The following ERP44 variants were observed in gnomAD, a reference collection of about 807,000 sequenced individuals.
ERP44 encodes the protein endoplasmic reticulum protein 44.
ERP44 carries 25 observed loss-of-function variants against 53.4 expected under a neutral mutation model. That is an observed-to-expected ratio of 0.47 (90% CI 0.34 to 0.65). The LOEUF (loss-of-function observed/expected upper bound fraction) is 0.65, where lower values mean the gene tolerates loss of function less well. ERP44 is among the 30% of genes least tolerant of loss of function. The pLI is 0.01. For missense variants in ERP44, 338 were observed against 493.2 expected, an observed-to-expected ratio of 0.69 and a Z score of 2.98; for synonymous variants, 145 against 161.2, an observed-to-expected ratio of 0.90 and a Z score of 0.76.
chr9:100,069,948 G>A (rs762792201), intron 1 of ERP44, among the ~76,000 whole-genome samples: 2 of 152,144 alleles, frequency 1.3e-5, no homozygotes, highest in African/African-American at 4.8e-5. Context: ...AACAGACAAT[G>A]TATTTTTCTC....
At chr9:100,046,106 G>A (rs1177490839) in intron 4 of ERP44, among the ~76,000 whole-genome samples, 1 of 151,546 alleles carries the variant, frequency 6.6e-6, no homozygotes, top group Non-Finnish European at 1.5e-5. Flanking sequence ...ATTTATAACA[G>A]CACCCCAAAA....
chr9:100,029,120 T>G (rs1172762567), intron 4 of ERP44, among the ~76,000 whole-genome samples: 1 of 152,064 alleles, frequency 6.6e-6, no homozygotes, highest in Non-Finnish European at 1.5e-5. Context: ...CATTGGTCTG[T>G]GCAAAGATTT....
intron 6 of ERP44, 113 bp downstream of exon 6, chr9:100,020,503 A>G (rs1830576244): frequency 4.8e-6 from 3 of 624,472 alleles, no homozygotes; most frequent in Admixed American, 5.8e-5. Context: ...AGTGATTTTA[A>G]AAGGATTGAG....
chr9:100,033,124 A>C (rs560228768), intron 4 of ERP44, among the ~76,000 whole-genome samples: 2 of 152,242 alleles, frequency 1.3e-5, no homozygotes, highest in Non-Finnish European at 2.9e-5. Flanking sequence ...ACTATTTGTA[A>C]GTATTCTTAA....
intron 10 of ERP44, among the ~76,000 whole-genome samples, chr9:99,992,791 CT>C (rs1265852761): frequency 6.6e-6 from 1 of 152,158 alleles, no homozygotes; most frequent in Non-Finnish European, 1.5e-5. Context: ...CCAAAATCTC[CT>C]TAAGCTGATA....
At chr9:100,087,322 T>C (rs1010886348) in intron 1 of ERP44, among the ~76,000 whole-genome samples, 1 of 152,156 alleles carries the variant, frequency 6.6e-6, no homozygotes, top group Non-Finnish European at 1.5e-5. Flanking sequence ...ATAATGACAA[T>C]GTAATTATTA....
At chr9:100,098,725 G>A in intron 1 of ERP44, 59 bp downstream of exon 1, 1 of 1,418,482 alleles carries the variant, frequency 7.0e-7, no homozygotes, top group Non-Finnish European at 1.0e-6. Context: ...TGTTCCCCCT[G>A]GGCGAGGGCC....
intron 4 of ERP44, among the ~76,000 whole-genome samples, chr9:100,039,747 G>T (rs912117577): frequency 3.6e-4 from 55 of 151,864 alleles, no homozygotes; most frequent in African/African-American, 1.3e-3. Flanking sequence ...TGGTTTTTTG[G>T]TAAGTTTTAC....
chr9:100,038,339 A>G (rs1257705428), intron 4 of ERP44, among the ~76,000 whole-genome samples: 1 of 152,150 alleles, frequency 6.6e-6, no homozygotes, highest in African/African-American at 2.4e-5. Context: ...AGAAACAACA[A>G]AAAGTTAAAA....
At chr9:100,035,365 T>C (rs1825839536) in intron 4 of ERP44, among the ~76,000 whole-genome samples, 1 of 152,108 alleles carries the variant, frequency 6.6e-6, no homozygotes, top group South Asian at 2.1e-4. Context: ...AAGGAACTTA[T>C]TAAATCAATA....
intron 1 of ERP44, among the ~76,000 whole-genome samples, chr9:100,092,855 T>G (rs1245323233): frequency 6.6e-6 from 1 of 152,198 alleles, no homozygotes; most frequent in East Asian, 1.9e-4. Context: ...TCACTACTGA[T>G]GAGAGTGTGA....
At chr9:99,994,697 ACTCT>A (rs765155798) in intron 10 of ERP44, among the ~76,000 whole-genome samples, 1 of 151,602 alleles carries the variant, frequency 6.6e-6, no homozygotes, top group Admixed American at 6.6e-5. Context: ...CTATTTCTAG[ACTCT>A]CTCTCTTCCA....
intron 4 of ERP44, among the ~76,000 whole-genome samples, chr9:100,039,318 T>C (rs749369968): frequency 5.9e-5 from 9 of 152,082 alleles, no homozygotes; most frequent in East Asian, 1.9e-4. Flanking sequence ...TTCAAAAAAA[T>C]TGAAATTATC....
At chr9:100,039,749 A>G (rs1825882872) in intron 4 of ERP44, among the ~76,000 whole-genome samples, 1 of 152,074 alleles carries the variant, frequency 6.6e-6, no homozygotes, top group African/African-American at 2.4e-5. Flanking sequence ...GTTTTTTGGT[A>G]AGTTTTACAA....
chr9:100,029,855 C>T (rs1346891798), intron 4 of ERP44, among the ~76,000 whole-genome samples: 8 of 152,080 alleles, frequency 5.3e-5, no homozygotes, highest in South Asian at 2.1e-4. Flanking sequence ...TTTGGGAGAC[C>T]GAGGCGGGCA....
chr9:100,029,250 C>G (rs1178763696), intron 4 of ERP44, among the ~76,000 whole-genome samples: 1 of 151,912 alleles, frequency 6.6e-6, no homozygotes, highest in African/African-American at 2.4e-5. Context: ...GAAGAGGCAA[C>G]CTGAGAATTA....
intron 4 of ERP44, among the ~76,000 whole-genome samples, chr9:100,047,537 C>T (rs1469174804): frequency 3.3e-5 from 5 of 152,104 alleles, no homozygotes; most frequent in Admixed American, 3.3e-4. Context: ...TGGGCCCTTA[C>T]CTTGTTCCAT....
rs377356861 is a variant in ERP44, at chr9:100,082,828, T to C, written c.57+15956A>G. On this transcript the variant is annotated intron_variant, in intron 1 of 11. Coordinates refer to ENST00000262455, the MANE Select transcript of ERP44 (RefSeq NM_015051.3). Reference sequence around the variant, plus strand: ...TATATTGTTCAAGGGGTTAACTGTATATTAAAAAGCATGCTCTAAATCCTC... The same window carrying C: ...TATATTGTTCAAGGGGTTAACTGTACATTAAAAAGCATGCTCTAAATCCTC... 8.7e-4 allele frequency among the ~76,000 whole-genome samples: 132 copies of C among 151,724 alleles called. 2 individuals carry two copies. The highest frequency in any genetic ancestry group is 2.9e-3 in the African/African-American group (121 of 41,340).
intron 4 of ERP44, among the ~76,000 whole-genome samples, chr9:100,024,740 A>G (rs1212232167): frequency 6.6e-6 from 1 of 152,252 alleles, no homozygotes. Context: ...GATTTTCAGC[A>G]TAAGGAAAAC....
Sources: gnomAD v4.1 joint callset for allele counts (sites outside exome capture counted in the v4.1 genomes callset) on GRCh38, gnomAD v4.1.1 for gene constraint, MANE v1.5 for transcripts, NCBI Gene and HGNC (gene_info 2026-07-23, HGNC 2026-07-21) for gene names.